Variants in SVIL observed in about 807,000 individuals in gnomAD.
SVIL encodes the protein supervillin.
Under a neutral mutation model 240.4 loss-of-function variants are expected in SVIL, and 101 were observed. The observed-to-expected ratio is 0.42, with a 90% CI of 0.36 to 0.50. SVIL has a LOEUF of 0.50. Among genes scored for constraint, SVIL ranks in the 20% least tolerant of loss-of-function variants. SVIL has a pLI of 0.01. For missense variants in SVIL, 2,512 were observed against 2,818.7 expected, an observed-to-expected ratio of 0.89 and a Z score of 2.46; for synonymous variants, 999 against 1,100.0, an observed-to-expected ratio of 0.91 and a Z score of 1.82.
intron 3 of SVIL, 110 bp from the exon 4 acceptor site, chr10:29,555,218 A>G: frequency 3.6e-6 from 4 of 1,103,278 alleles, no homozygotes; most frequent in Non-Finnish European, 3.8e-6. Context: ...CTTGATTCCT[A>G]TGTCACAGTG....
At chr10:29,714,811 T>C (rs947765487) in intron 1 of SVIL, among the ~76,000 whole-genome samples, 1 of 151,564 alleles carries the variant, frequency 6.6e-6, no homozygotes, top group Non-Finnish European at 1.5e-5. Context: ...TAATTAAAAA[T>C]TAGCTGGGCA....
intron 1 of SVIL, among the ~76,000 whole-genome samples, chr10:29,614,877 C>T (rs1300490996): frequency 1.3e-5 from 2 of 152,130 alleles, no homozygotes; most frequent in Non-Finnish European, 2.9e-5. Flanking sequence ...GAAGATTAAT[C>T]ATCATCATTC....
intron 17 of SVIL, among the ~76,000 whole-genome samples, chr10:29,509,288 A>G (rs1370000226): frequency 6.7e-6 from 1 of 149,412 alleles, no homozygotes; most frequent in Non-Finnish European, 1.5e-5. Context: ...GAAGAGAAAG[A>G]AAGAGAAAGA....
intron 34 of SVIL, among the ~76,000 whole-genome samples, chr10:29,464,765 T>C (rs532726312): frequency 6.8e-6 from 1 of 146,626 alleles, no homozygotes; most frequent in Admixed American, 7.3e-5. Flanking sequence ...GAGATCCCGG[T>C]GCAAGATGAG....
intron 33 of SVIL, among the ~76,000 whole-genome samples, chr10:29,466,205 CACAT>C (rs1225289745): frequency 7.5e-5 from 11 of 146,478 alleles, no homozygotes; most frequent in Admixed American, 7.0e-4. Context: ...ATGTGTATAT[CACAT>C]ACACATATGT....
At chr10:29,458,623 G>A (rs773093241) in intron 36 of SVIL, 34 bp from the exon 37 acceptor site, 7 of 1,600,338 alleles carry the variant, frequency 4.4e-6, no homozygotes, top group East Asian at 2.2e-5. Context: ...AGGAGAGCTC[G>A]TGTCCTACAT....
intron 3 of SVIL, among the ~76,000 whole-genome samples, chr10:29,560,577 T>C (rs1414682227): frequency 6.6e-6 from 1 of 152,214 alleles, no homozygotes; most frequent in Non-Finnish European, 1.5e-5. Flanking sequence ...ATGCCCATTT[T>C]CACAGGAAAT....
intron 6 of SVIL, chr10:29,545,110 T>C (rs772504103): frequency 1.9e-6 from 1 of 533,804 alleles, no homozygotes; most frequent in African/African-American, 1.9e-5. Flanking sequence ...TGCAGACACC[T>C]CTCTCAGTGC....
At chr10:29,605,637 T>G (rs113181152) in intron 1 of SVIL, among the ~76,000 whole-genome samples, 4 of 150,846 alleles carry the variant, frequency 2.7e-5, no homozygotes, top group African/African-American at 9.7e-5. Context: ...GAGTGGCAAA[T>G]AGTTTTCCTA....
intron 17 of SVIL, among the ~76,000 whole-genome samples, chr10:29,500,693 G>T (rs935078075): frequency 6.6e-6 from 1 of 152,134 alleles, no homozygotes; most frequent in Non-Finnish European, 1.5e-5. Context: ...CCTTCCTAAG[G>T]CATTTTCCTT....
intron 3 of SVIL, 49 bp downstream of exon 3, chr10:29,563,152 A>G: frequency 1.5e-6 from 1 of 652,974 alleles, no homozygotes; most frequent in Non-Finnish European, 1.9e-6. Context: ...TTCGGACAAC[A>G]CAATACGCAT....
At position 29,718,342 on chromosome 10, in the gene SVIL, C is replaced by T. The variant is rs893526226; in HGVS notation, c.-400+17409G>A. ...CTCCGTCTCAAAAAAAAAAAAAATT[C>T]GCCTGTTTCTTTTTAATTTTCTTAA... On this transcript the variant is annotated intron_variant, in intron 1 of 35. Coordinates refer to the SVIL transcript ENST00000375400. Among the ~76,000 whole-genome samples the T allele has an allele frequency of 7.9e-5, 12 of 151,436 alleles. No homozygotes were observed. The South Asian group carries it at 8.4e-4, about 11-fold the overall frequency.
At position 29,610,391 on chromosome 10, in the gene SVIL, C is replaced by T. The variant is rs146289207; in HGVS notation, c.-201+24029G>A. ...GTTTGCCATTGTCCATAAACACACA[C>T]CACTTGTTTTGTCAATCAAGGCTCT... On this transcript the variant is annotated intron_variant, in intron 1 of 37. Transcript: ENST00000355867. Among the ~76,000 whole-genome samples, 241 of 152,100 alleles carry T rather than the reference C, an allele frequency of 1.6e-3. 1 individual carries two copies. The highest frequency in any genetic ancestry group is 5.5e-3 in the African/African-American group (230 of 41,492).
intron 1 of SVIL, among the ~76,000 whole-genome samples, chr10:29,732,272 T>C (rs891298055): frequency 1.3e-5 from 2 of 152,126 alleles, no homozygotes; most frequent in Non-Finnish European, 2.9e-5. Context: ...TATAATGACA[T>C]TATAACGTTT....
At chr10:29,700,329 C>G (rs1962410052) in intron 1 of SVIL, among the ~76,000 whole-genome samples, 1 of 152,174 alleles carries the variant, frequency 6.6e-6, no homozygotes, top group Admixed American at 6.5e-5. Flanking sequence ...AGAGGACACC[C>G]TCTCACCAAG....
At chr10:29,462,200 G>A (rs1314704648) in intron 36 of SVIL, 77 bp downstream of exon 36, 1 of 1,508,510 alleles carries the variant, frequency 6.6e-7, no homozygotes, top group Non-Finnish European at 8.9e-7. Flanking sequence ...GCAATTGGAT[G>A]CTCTCCCCAA....
rs770649851 is a variant in SVIL at position 29,473,934 on chromosome 10, G to C, written c.5433C>G (p.Cys1811Trp). 1.2e-6 allele frequency: 2 copies of C among 1,613,890 alleles called. No individual in the cohort carries two copies. The highest frequency in any genetic ancestry group is 2.7e-5 in the African/African-American group (2 of 74,906). ...GCCGGCCTTGCCAGAAGAAGTAGACGCACTTCTCTTTGCCGGCTGCCCTCA... is the reference window on the plus strand; with the variant it reads ...GCCGGCCTTGCCAGAAGAAGTAGACCCACTTCTCTTTGCCGGCTGCCCTCA... ...HSVRAAGKEK[C>W]VYFFWQGRHS... Residue 1811 changes from cysteine to tryptophan, a missense_variant, in exon 30 of 38, where the codon TGC (cysteine) becomes TGG (tryptophan). Cys to Trp is a radical substitution (Grantham distance 215). Around this residue, in one of 3 missense-constraint regions of SVIL, gnomAD observed 797 missense variants for 925.3 expected, o/e 0.86. Coordinates refer to ENST00000355867, the MANE Select transcript of SVIL (RefSeq NM_021738.3).
rs528513266 is a variant in SVIL at position 29,528,799 on chromosome 10, C to T, written c.2246+906G>A. Among the ~76,000 whole-genome samples the T allele has an allele frequency of 2.6e-4, 40 of 152,268 alleles. 1 individual carries two copies. The South Asian group carries it at 8.3e-3, about 32-fold the overall frequency. The stretch of plus-strand genomic sequence containing the variant: ...TTTTTCACTTGATTGAAGCAATGAT[C>T]TCTGAATGAACTACTCTGGGAAATT... On this transcript the variant is annotated intron_variant, in intron 12 of 37. Coordinates refer to ENST00000355867, the MANE Select transcript of SVIL (RefSeq NM_021738.3).
chr10:29,462,616 T>G (rs1003648506), intron 35 of SVIL, among the ~76,000 whole-genome samples: 3 of 152,164 alleles, frequency 2.0e-5, no homozygotes, highest in Non-Finnish European at 4.4e-5. Flanking sequence ...TCAACCTGAG[T>G]CTATACTTCT....
Sources: gnomAD v4.1 joint callset for allele counts (sites outside exome capture counted in the v4.1 genomes callset) on GRCh38, gnomAD v4.1.1 for gene constraint, gnomAD v4.1.1 regional missense constraint, MANE v1.5 for transcripts, NCBI Gene and HGNC (gene_info 2026-07-23, HGNC 2026-07-21) for gene names.